The following ADCY2 variants were observed in gnomAD, a reference collection of about 807,000 sequenced individuals.
ADCY2 encodes adenylate cyclase 2.
In ADCY2, 31 loss-of-function variants were observed where a neutral mutation model predicts 125.2. That is an observed-to-expected ratio of 0.25 (90% CI 0.19 to 0.33). The LOEUF is 0.33. Among genes scored for constraint, ADCY2 ranks in the 10% least tolerant of loss-of-function variants. The pLI is 1.00. For missense variants in ADCY2, 904 were observed against 1,418.2 expected (o/e 0.64, Z 5.82); for synonymous variants, 512 against 548.4 (o/e 0.93, Z 0.93).
intron 3 of ADCY2, among the ~76,000 whole-genome samples, chr5:7,523,380 C>G (rs1322287317): frequency 6.7e-6 from 1 of 149,274 alleles, no homozygotes; most frequent in Admixed American, 6.6e-5. Context: ...TTTCAAAAAC[C>G]GACAAAGAAA....
intron 3 of ADCY2, among the ~76,000 whole-genome samples, chr5:7,568,029 T>A (rs182552716): frequency 4.7e-4 from 71 of 152,276 alleles, no homozygotes; most frequent in Non-Finnish European, 7.9e-4. Flanking sequence ...GAGCTGGTTC[T>A]ATCCATTTAA....
At chr5:7,744,507 C>G (rs1420349801) in intron 15 of ADCY2, among the ~76,000 whole-genome samples, 1 of 152,214 alleles carries the variant, frequency 6.6e-6, no homozygotes, top group African/African-American at 2.4e-5. Context: ...TTAAGCCAAT[C>G]AGGTTTAAAT....
chr5:7,447,997 C>G (rs979695109), intron 2 of ADCY2, among the ~76,000 whole-genome samples: 2 of 152,134 alleles, frequency 1.3e-5, no homozygotes, highest in African/African-American at 4.8e-5. Flanking sequence ...ACACGGTGAC[C>G]AGAGGGTGTC....
At chr5:7,745,905 G>A (rs1052665698) in intron 15 of ADCY2, among the ~76,000 whole-genome samples, 8 of 152,136 alleles carry the variant, frequency 5.3e-5, no homozygotes, top group African/African-American at 1.9e-4. Context: ...AGAGCTGGGG[G>A]CAGAAAAAAA....
At chr5:7,765,238 C>G (rs1217182875) in intron 16 of ADCY2, among the ~76,000 whole-genome samples, 1 of 152,168 alleles carries the variant, frequency 6.6e-6, no homozygotes. Flanking sequence ...TAGTAACCCA[C>G]CAAGCTAAAC....
chr5:7,633,258 C>T (rs1394995457), intron 4 of ADCY2, among the ~76,000 whole-genome samples: 1 of 151,966 alleles, frequency 6.6e-6, no homozygotes, highest in East Asian at 1.9e-4. Context: ...TGGTAAAACC[C>T]TGTCTCTACT....
chr5:7,819,280 C>G lies in ADCY2; in HGVS notation c.2999-1285C>G, dbSNP rs573295186. ...CCTAGGAACAGTACCTTGCATCTGT[C>G]AATCCAATTAATTTGACATTTAGTA... On this transcript the variant is annotated intron_variant, in intron 23 of 24. Transcript: ENST00000338316. Among the ~76,000 whole-genome samples the G allele has an allele frequency of 4.6e-5, 7 of 152,298 alleles. No individual in the cohort carries two copies. In the East Asian group the frequency reaches 7.7e-4, roughly 17 times the overall value.
intron 4 of ADCY2, among the ~76,000 whole-genome samples, chr5:7,635,210 G>A (rs896469871): frequency 2.6e-5 from 4 of 152,146 alleles, no homozygotes; most frequent in African/African-American, 4.8e-5. Context: ...AGATAGCAAC[G>A]TAAACTGATT....
chr5:7,735,051 T>TTGGAGGTTAGGAATTCAACAGA (rs1560922328), intron 14 of ADCY2, among the ~76,000 whole-genome samples: 1 of 152,080 alleles, frequency 6.6e-6, no homozygotes, highest in Non-Finnish European at 1.5e-5. Flanking sequence ...TACCATCACA[T>TTGGAGGTTAGGAATTCAACAGA]TGGAGGTTAG....
rs11954210 is a variant in ADCY2, at chr5:7,430,088, C to A, written c.408+15318C>A. ...AAGGAAATATTATGAGCAACTCTTT[C>A]CATTAAATTTCACAATATAGATAAA... is the stretch of plus-strand genomic sequence containing the variant. On this transcript the variant is annotated intron_variant, in intron 2 of 24. Coordinates refer to ENST00000338316, the MANE Select transcript of ADCY2 (RefSeq NM_020546.3). Among the ~76,000 whole-genome samples the A allele has an allele frequency of 3.0e-3, 459 of 152,102 alleles. 2 individuals are homozygous for A. The highest frequency in any genetic ancestry group is 0.01 in the African/African-American group (416 of 41,522).
chr5:7,418,194 T>G (rs980873759), intron 2 of ADCY2, among the ~76,000 whole-genome samples: 2 of 152,170 alleles, frequency 1.3e-5, no homozygotes, highest in African/African-American at 4.8e-5. Flanking sequence ...CATCTTGAAT[T>G]CGAATATATT....
rs900907440 is a variant in ADCY2 at position 7,698,481 on chromosome 5, C to T, written c.1109+107C>T. 1.0e-5 allele frequency: 12 copies of T among 1,185,124 alleles called. No individual in the cohort carries two copies. The African/African-American group carries it at 1.5e-4, about 15-fold the overall frequency. 73.4% of individuals were successfully genotyped at this position (1,185,124 alleles called of 1,614,324 possible). On this transcript the variant is annotated intron_variant, in intron 7 of 24. Transcript: ENST00000338316. Reference sequence around the variant, plus strand: ...AGGTATACATGTACTGTGTTGGTTTCCTGCACCCATCAACTCATCATTTAC... The same window carrying T: ...AGGTATACATGTACTGTGTTGGTTTTCTGCACCCATCAACTCATCATTTAC...
chr5:7,539,682 A>G lies in ADCY2; in HGVS notation c.570+18783A>G, dbSNP rs186521372. Among the ~76,000 whole-genome samples, 20 of 152,348 alleles carry G rather than the reference A, an allele frequency of 1.3e-4. No individual in the cohort carries two copies. The East Asian group carries it at 3.9e-3, about 29-fold the overall frequency. On this transcript the variant is annotated intron_variant, in intron 3 of 24. Transcript: ENST00000338316. ...AGGGATTGACAGTCATTTTCTGGGA[A>G]GAGTCAGAAAGGAGACATTTTCAGA...
intron 15 of ADCY2, among the ~76,000 whole-genome samples, chr5:7,744,325 A>G (rs1269633837): frequency 6.6e-6 from 1 of 152,152 alleles, no homozygotes; most frequent in Non-Finnish European, 1.5e-5. Context: ...CCACCATGGC[A>G]CATGTATGCC....
At chr5:7,556,826 T>C (rs1735521805) in intron 3 of ADCY2, among the ~76,000 whole-genome samples, 1 of 152,044 alleles carries the variant, frequency 6.6e-6, no homozygotes, top group Admixed American at 6.6e-5. Flanking sequence ...GATAATCCAA[T>C]ACCTGATATT....
intron 3 of ADCY2, among the ~76,000 whole-genome samples, chr5:7,550,239 G>T (rs1046290986): frequency 1.3e-5 from 2 of 152,056 alleles, no homozygotes; most frequent in Non-Finnish European, 2.9e-5. Flanking sequence ...AATTGATGAA[G>T]AACTTTTTTT....
intron 15 of ADCY2, among the ~76,000 whole-genome samples, chr5:7,754,494 A>G (rs976564752): frequency 9.9e-5 from 15 of 152,192 alleles, no homozygotes; most frequent in African/African-American, 3.6e-4. Flanking sequence ...TTTCACAAAT[A>G]TAAGAGCATT....
intron 4 of ADCY2, among the ~76,000 whole-genome samples, chr5:7,658,882 T>G (rs994483234): frequency 6.6e-6 from 1 of 152,178 alleles, no homozygotes; most frequent in African/African-American, 2.4e-5. Flanking sequence ...CTCTTTTTTT[T>G]CGAAGGCCTT....
At chr5:7,591,954 T>C (rs547295715) in intron 3 of ADCY2, among the ~76,000 whole-genome samples, 2 of 152,384 alleles carry the variant, frequency 1.3e-5, no homozygotes, top group South Asian at 4.1e-4. Context: ...TAGCATTGTT[T>C]TCCTTTTCAA....
Sources: allele counts gnomAD v4.1 joint callset (sites outside exome capture counted in the v4.1 genomes callset), GRCh38; gene constraint gnomAD v4.1.1; transcripts MANE v1.5; gene names NCBI Gene and HGNC (gene_info 2026-07-23, HGNC 2026-07-21).